Variants in ARHGAP21 observed in about 807,000 individuals in gnomAD.
The protein encoded by ARHGAP21 is Rho GTPase activating protein 21.
A neutral mutation model predicts 164.6 loss-of-function variants in ARHGAP21; 38 were observed. That is an observed-to-expected ratio of 0.23 (90% CI 0.18 to 0.30). ARHGAP21 has a LOEUF of 0.30. ARHGAP21 is among the 10% of genes least tolerant of loss of function. The probability of loss-of-function intolerance (pLI) is 1.00; values close to 1 mark genes in which losing one functional copy is unlikely to be tolerated. For missense variants in ARHGAP21, 1,822 were observed against 2,370.7 expected, an observed-to-expected ratio of 0.77 and a Z score of 4.81; for synonymous variants, 766 against 857.9, an observed-to-expected ratio of 0.89 and a Z score of 1.87.
At chr10:24,648,466 C>T (rs1837808432) in intron 4 of ARHGAP21, among the ~76,000 whole-genome samples, 1 of 152,112 alleles carries the variant, frequency 6.6e-6, no homozygotes, top group Non-Finnish European at 1.5e-5. Flanking sequence ...ATGTTTTCTC[C>T]ATCTTCTTTT....
intron 4 of ARHGAP21, among the ~76,000 whole-genome samples, chr10:24,647,060 C>A (rs759369465): frequency 6.6e-6 from 1 of 152,130 alleles, no homozygotes; most frequent in Admixed American, 6.5e-5. Flanking sequence ...TCTCTGCAAT[C>A]CTAAATTTCA....
rs146203632 is a variant in ARHGAP21 at position 24,705,998 on chromosome 10, A to C, written c.63+15839T>G. Among the ~76,000 whole-genome samples the C allele has an allele frequency of 6.0e-3, 907 of 152,326 alleles. 10 individuals carry two copies. The highest frequency in any genetic ancestry group is 0.021 in the African/African-American group (873 of 41,578). On this transcript the variant is annotated intron_variant, in intron 2 of 25. Transcript: ENST00000396432. ...ATAGCTAACCTAGCAGATTTTCTCT[A>C]TTGCAAAATAACCATTTTCTAAACA...
intron 2 of ARHGAP21, among the ~76,000 whole-genome samples, chr10:24,676,173 A>G (rs1841220812): frequency 6.6e-6 from 1 of 152,188 alleles, no homozygotes. Flanking sequence ...AAAACCCTAA[A>G]AAGTAAAAAT....
At chr10:24,599,549 A>G (rs972643144) in intron 14 of ARHGAP21, among the ~76,000 whole-genome samples, 26 of 152,232 alleles carry the variant, frequency 1.7e-4, no homozygotes, top group Admixed American at 9.8e-4. Flanking sequence ...CATAATTTGC[A>G]TAAGTTTACA....
At chr10:24,598,567 C>T (rs1198132697) in intron 14 of ARHGAP21, among the ~76,000 whole-genome samples, 2 of 151,986 alleles carry the variant, frequency 1.3e-5, no homozygotes, top group Admixed American at 1.3e-4. Flanking sequence ...TTTTTTTAAC[C>T]TCTGTGAGTT....
At chr10:24,616,380 A>G (rs1833951648) in intron 9 of ARHGAP21, among the ~76,000 whole-genome samples, 1 of 152,180 alleles carries the variant, frequency 6.6e-6, no homozygotes, top group Non-Finnish European at 1.5e-5. Flanking sequence ...TCCCAAAGGG[A>G]GAAACTGGGT....
chr10:24,591,571 A>G, intron 23 of ARHGAP21, 71 bp downstream of exon 23: 4 of 1,558,864 alleles, frequency 2.6e-6, no homozygotes, highest in South Asian at 1.1e-5. Context: ...GGAAGTTGAC[A>G]TTGTTGGCGC....
intron 6 of ARHGAP21, 26 bp downstream of exon 6, chr10:24,633,376 G>C (rs1249376034): frequency 6.6e-7 from 1 of 1,504,728 alleles, no homozygotes; most frequent in African/African-American, 1.4e-5. Flanking sequence ...ACCCATCTTT[G>C]GGTTTTAATG....
At chr10:24,646,513 C>T (rs1180625483) in intron 4 of ARHGAP21, among the ~76,000 whole-genome samples, 1 of 152,154 alleles carries the variant, frequency 6.6e-6, no homozygotes, top group Non-Finnish European at 1.5e-5. Flanking sequence ...TGGTGCAAGC[C>T]TGTGGTCCCA....
At chr10:24,595,847 G>C (rs932222506) in intron 18 of ARHGAP21, 41 bp downstream of exon 18, 1 of 1,589,750 alleles carries the variant, frequency 6.3e-7, no homozygotes, top group Non-Finnish European at 8.5e-7. Context: ...TCCACCAAAG[G>C]GGGAAAAAAA....
chr10:24,598,083 A>G, intron 14 of ARHGAP21, 74 bp from the exon 15 acceptor site: 3 of 1,182,238 alleles, frequency 2.5e-6, no homozygotes, highest in Non-Finnish European at 2.5e-6. Context: ...GAGGCTTTCT[A>G]TTGTACTGCT....
chr10:24,593,915 CTATGGAGGAAA>C (rs2076457539), intron 21 of ARHGAP21, among the ~76,000 whole-genome samples: 1 of 151,762 alleles, frequency 6.6e-6, no homozygotes, highest in South Asian at 2.1e-4. Context: ...CTATCAATCA[CTATGGAGGAAA>C]TTGAGCACCT....
chr10:24,630,010 C>G lies in ARHGAP21; in HGVS notation c.481G>C (p.Asp161His). The G allele has an allele frequency of 6.4e-7, 1 of 1,571,128 alleles. No individual in the cohort carries two copies. The highest frequency in any genetic ancestry group is 8.7e-7 in the Non-Finnish European group (1 of 1,154,618). Residue 161 changes from aspartate (D) to histidine (H), a missense_variant, in exon 7 of 26, where the codon GAC becomes CAC. This residue lies in a region of ARHGAP21 where 1,090 missense variants were observed against 1,378.9 expected (regional missense o/e 0.79). Coordinates refer to ENST00000396432, the MANE Select transcript of ARHGAP21 (RefSeq NM_020824.4). ...LELSVMPKDEDILQVLQFTKD... is the reference protein window; with the variant it reads ...LELSVMPKDEHILQVLQFTKD... ...ATAAAACTTACCACTTGGAGAATGTCTTCATCTTTTGGCATAACACTAAGT... is the reference window on the plus strand; with the variant it reads ...ATAAAACTTACCACTTGGAGAATGTGTTCATCTTTTGGCATAACACTAAGT...
At position 24,619,576 on chromosome 10, in the gene ARHGAP21, C is replaced by T. The variant is rs55771014; in HGVS notation, c.2319G>A (p.Leu773=). ...QETGSDTTCW[L]PNDARREVHI... ...GGACCTCTCGACGTGCATCATTGGG[C>T]AGCCAGCAGGTAGTGTCTGACCCGG... Residue 773 remains leucine (L), a synonymous_variant, in exon 9 of 26, where the codon CTG becomes CTA. Coordinates refer to ENST00000396432, the MANE Select transcript of ARHGAP21 (RefSeq NM_020824.4). The T allele has an allele frequency of 6.2e-7, 1 of 1,614,148 alleles. No individual in the cohort carries two copies. The highest frequency in any genetic ancestry group is 2.2e-5 in the East Asian group (1 of 44,876).
rs141721818 is a variant in ARHGAP21 at position 24,599,718 on chromosome 10, G to A, written c.3132+928C>T. Reference sequence around the variant, plus strand: ...TACTTCATCATTGCTAGATTTGCTTGATAAAGTTTATAGTTATACATACTT... The same window carrying A: ...TACTTCATCATTGCTAGATTTGCTTAATAAAGTTTATAGTTATACATACTT... On this transcript the variant is annotated intron_variant, in intron 14 of 25. Coordinates refer to ENST00000396432, the MANE Select transcript of ARHGAP21 (RefSeq NM_020824.4). Among the ~76,000 whole-genome samples, 232 of 152,278 alleles carry A rather than the reference G, an allele frequency of 1.5e-3. 5 individuals carry two copies. The East Asian group carries it at 0.038, about 25-fold the overall frequency.
chr10:24,669,935 A>G (rs1047071434), intron 3 of ARHGAP21, among the ~76,000 whole-genome samples: 2 of 152,246 alleles, frequency 1.3e-5, no homozygotes, highest in Non-Finnish European at 2.9e-5. Context: ...ACAGTTACAT[A>G]TTAGAAAAAG....
At chr10:24,712,701 T>C (rs1379348171) in intron 2 of ARHGAP21, among the ~76,000 whole-genome samples, 1 of 152,030 alleles carries the variant, frequency 6.6e-6, no homozygotes, top group Non-Finnish European at 1.5e-5. Context: ...GTTTATACAA[T>C]CTATGGACAA....
chr10:24,643,731 T>A (rs1837300149), intron 4 of ARHGAP21, among the ~76,000 whole-genome samples: 1 of 152,214 alleles, frequency 6.6e-6, no homozygotes, highest in Admixed American at 6.5e-5. Flanking sequence ...CTTGGCCTGC[T>A]ACTACAGCTG....
At chr10:24,619,288 G>A (rs1286460265) in intron 9 of ARHGAP21, among the ~76,000 whole-genome samples, 185 bp downstream of exon 9, 1 of 151,996 alleles carries the variant, frequency 6.6e-6, no homozygotes, top group East Asian at 1.9e-4. Flanking sequence ...AGGAAAATTG[G>A]TACTAGAAAT....
Sources: gnomAD v4.1 joint callset for allele counts (sites outside exome capture counted in the v4.1 genomes callset) on GRCh38, gnomAD v4.1.1 for gene constraint, gnomAD v4.1.1 regional missense constraint, MANE v1.5 for transcripts, NCBI Gene and HGNC (gene_info 2026-07-23, HGNC 2026-07-21) for gene names.